NFE2L3: variants seen among roughly 807,000 people sequenced by gnomAD.
NFE2L3 encodes the protein nuclear factor erythroid 2-related factor 3.
NFE2L3 carries 18 observed loss-of-function variants against 23.5 expected under a neutral mutation model. That is an observed-to-expected ratio of 0.77 (90% confidence interval 0.53 to 1.13). The LOEUF (loss-of-function observed/expected upper bound fraction) is 1.13. Ranked by LOEUF, NFE2L3 falls within the 50% of genes most tolerant of loss-of-function variation. The pLI, the probability that NFE2L3 is intolerant of heterozygous loss-of-function variation, is 0.00. For missense variants in NFE2L3, 1,152 were observed against 877.2 expected, an observed-to-expected ratio of 1.31 and a Z score of -3.96; for synonymous variants, 424 against 354.5, an observed-to-expected ratio of 1.20 and a Z score of -2.20.
intron 1 of NFE2L3, among the ~76,000 whole-genome samples, chr7:26,172,554 T>A (rs1416597642): frequency 6.6e-6 from 1 of 152,234 alleles, no homozygotes; most frequent in Non-Finnish European, 1.5e-5. Context: ...TGTCAGTATG[T>A]ATTTGCCGAG....
intron 1 of NFE2L3, among the ~76,000 whole-genome samples, chr7:26,156,008 T>G (rs557452814): frequency 6.6e-6 from 1 of 152,272 alleles, no homozygotes; most frequent in African/African-American, 2.4e-5. Flanking sequence ...CTCACTGGAT[T>G]CCTTTTGGCT....
chr7:26,178,133 C>G lies in NFE2L3; in HGVS notation c.750+11C>G. On this transcript the variant is annotated intron_variant, in intron 2 of 3. Transcript: ENST00000056233. Reference sequence around the variant, plus strand: ...GAATCTAGAAATGAGGTAAGCCTGTCAGAATATTCAAGCCTTGCCGTTTTG... The same window carrying G: ...GAATCTAGAAATGAGGTAAGCCTGTGAGAATATTCAAGCCTTGCCGTTTTG... The G allele has an allele frequency of 6.2e-7, 1 of 1,605,506 alleles. No individual in the cohort carries two copies. The highest frequency in any genetic ancestry group is 8.5e-7 in the Non-Finnish European group (1 of 1,176,402).
At chr7:26,158,938 G>A (rs1784127126) in intron 1 of NFE2L3, among the ~76,000 whole-genome samples, 1 of 152,228 alleles carries the variant, frequency 6.6e-6, no homozygotes, top group Admixed American at 6.5e-5. Flanking sequence ...AGGATTGAAT[G>A]AGATAGTGCA....
chr7:26,160,595 T>C (rs2237334), intron 1 of NFE2L3, among the ~76,000 whole-genome samples: 9,581 of 152,312 alleles, frequency 0.063, 728 homozygotes, highest in East Asian at 0.36. Context: ...GGAGCTGCAA[T>C]GCTACAGGCT....
chr7:26,163,211 T>C (rs905583056), intron 1 of NFE2L3, among the ~76,000 whole-genome samples: 2 of 152,198 alleles, frequency 1.3e-5, no homozygotes, highest in African/African-American at 4.8e-5. Flanking sequence ...CCAAGCATTG[T>C]TCCTTTCTTA....
intron 2 of NFE2L3, among the ~76,000 whole-genome samples, chr7:26,178,997 A>G (rs953297734): frequency 6.6e-6 from 1 of 152,156 alleles, no homozygotes; most frequent in African/African-American, 2.4e-5. Flanking sequence ...GACAGCTGTC[A>G]TCATGGTAGC....
chr7:26,153,120 C>G (rs937839944), intron 1 of NFE2L3, 52 bp downstream of exon 1: 2 of 1,474,194 alleles, frequency 1.4e-6, no homozygotes, highest in Non-Finnish European at 9.0e-7. Context: ...CCGCCGGGAG[C>G]CCCCGAGGCT....
chr7:26,170,245 C>T (rs922911163), intron 1 of NFE2L3, among the ~76,000 whole-genome samples: 12 of 152,144 alleles, frequency 7.9e-5, no homozygotes, highest in Non-Finnish European at 1.2e-4. Context: ...TCTCCCTACC[C>T]GGCTAAAGAA....
Position 26,183,719 on chromosome 7 carries a change from G to T in NFE2L3, c.769G>T (p.Asp257Tyr), listed in dbSNP as rs150480522. ...SRNERHLNGTDTSFSLEDLFQ... is the reference protein window; with the variant it reads ...SRNERHLNGTYTSFSLEDLFQ... ...TCTACAGAGACATCTGAATGGGACA[G>T]ATACTTCTTTCTCTCTGGAAGACTT... is the stretch of plus-strand genomic sequence containing the variant. The change falls in exon 3 of 4, where the codon GAT (aspartate) becomes TAT (tyrosine). Residue 257 changes from aspartate to tyrosine, a missense_variant. Physicochemically the swap from Asp to Tyr is radical, Grantham distance 160 (BLOSUM62 -3). Coordinates refer to ENST00000056233, the MANE Select transcript of NFE2L3 (RefSeq NM_004289.7). The T allele has an allele frequency of 1.9e-6, 3 of 1,611,860 alleles. No homozygotes were observed. In the South Asian group the frequency reaches 3.3e-5, roughly 18 times the overall value.
At chr7:26,169,959 G>C (rs552658236) in intron 1 of NFE2L3, among the ~76,000 whole-genome samples, 1 of 152,230 alleles carries the variant, frequency 6.6e-6, no homozygotes, top group Non-Finnish European at 1.5e-5. Flanking sequence ...CTTCTTAAGA[G>C]CTATGCAGTC....
chr7:26,186,317 A>G lies in NFE2L3; in HGVS notation c.*534A>G, dbSNP rs549791171. 2.0e-5 allele frequency: 3 copies of G among 152,354 alleles called. No individual in the cohort carries two copies. Among genetic ancestry groups the G allele is most frequent in the Non-Finnish European group, 4.4e-5 (3 of 68,068 alleles). The allele number at this position is 152,354 out of a possible 1,614,324, so 9.4% of individuals were successfully genotyped here. A position where few individuals can be genotyped will look rare whatever the true frequency, so the allele number is the denominator to read the frequency against. On this transcript the variant is annotated 3_prime_UTR_variant, in exon 4 of 4. Coordinates refer to ENST00000056233, the MANE Select transcript of NFE2L3 (RefSeq NM_004289.7). ...AATTAACTTTTCCCTTTTATACAGA[A>G]TCTGAACCAAATTTACCTTACTTTC... is the stretch of plus-strand genomic sequence containing the variant.
At chr7:26,179,697 C>A (rs1188658957) in intron 2 of NFE2L3, among the ~76,000 whole-genome samples, 1 of 151,964 alleles carries the variant, frequency 6.6e-6, no homozygotes, top group Non-Finnish European at 1.5e-5. Flanking sequence ...CAGAGCAGGA[C>A]CCTGTCTCAA....
chr7:26,153,072 G>A lies in NFE2L3; in HGVS notation c.570+4G>A, dbSNP rs1784024502. The A allele has an allele frequency of 1.3e-6, 2 of 1,522,224 alleles. No homozygotes were observed. Among genetic ancestry groups the A allele is most frequent in the Non-Finnish European group, 1.8e-6 (2 of 1,139,328 alleles). 94.3% of individuals were successfully genotyped at this position (1,522,224 alleles called of 1,614,324 possible). On this transcript the variant is annotated splice_donor_region_variant and intron_variant, in intron 1 of 3. Coordinates refer to ENST00000056233, the MANE Select transcript of NFE2L3 (RefSeq NM_004289.7). ...CGCTGGCGGATGTGCGAGCGAGGTA[G>A]GTGCAGAGCGGGAAGCGAGCGAAGT...
intron 1 of NFE2L3, among the ~76,000 whole-genome samples, chr7:26,163,691 T>C (rs1000842371): frequency 1.3e-5 from 2 of 152,206 alleles, no homozygotes; most frequent in South Asian, 4.1e-4. Flanking sequence ...AGTTTTAGGG[T>C]ACATGTGCAC....
intron 3 of NFE2L3, chr7:26,184,292 C>A: frequency 2.2e-6 from 1 of 450,302 alleles, no homozygotes; most frequent in Non-Finnish European, 3.9e-6. Flanking sequence ...TAAGAAAATC[C>A]AGTCAGCTTT....
At chr7:26,179,526 AATGTAAT>A (rs1285716490) in intron 2 of NFE2L3, among the ~76,000 whole-genome samples, 1 of 149,596 alleles carries the variant, frequency 6.7e-6, no homozygotes, top group African/African-American at 2.5e-5. Context: ...AGTATAACCC[AATGTAAT>A]TTCCAAGAAC....
rs1782499933 is a variant in NFE2L3 at position 26,186,870 on chromosome 7, GAACAGTA to G, written c.*1093_*1099del. On this transcript the variant is annotated 3_prime_UTR_variant, in exon 4 of 4. Transcript: ENST00000056233. ...ATGAAAACCTCACTTAAGTTCACTA[GAACAGTA>G]AACAGGAGATTGCTGAATTTTTTGA... 1 of 152,162 alleles carries G rather than the reference GAACAGTA, an allele frequency of 6.6e-6. No homozygotes were observed. Among genetic ancestry groups the G allele is most frequent in the South Asian group, 2.1e-4 (1 of 4,830 alleles). 9.4% of individuals were successfully genotyped at this position (152,162 alleles called of 1,614,324 possible). A position where few individuals can be genotyped will look rare whatever the true frequency, so the allele number is the denominator to read the frequency against.
chr7:26,175,853 C>CTTTTTTTTT (rs70943276), intron 1 of NFE2L3, among the ~76,000 whole-genome samples: 5 of 111,644 alleles, frequency 4.5e-5, no homozygotes, highest in African/African-American at 1.0e-4. Context: ...ATTTTCTTTT[C>CTTTTTTTTT]TTTTTTTTTT....
chr7:26,185,983 C>CCCACAACTTTTCATGAACTTTT lies in NFE2L3; in HGVS notation c.*201_*202insCACAACTTTTCATGAACTTTTC, dbSNP rs1782476066. The CCCACAACTTTTCATGAACTTTT allele has an allele frequency of 4.2e-6, 2 of 481,690 alleles. No individual in the cohort carries two copies. Among genetic ancestry groups the CCCACAACTTTTCATGAACTTTT allele is most frequent in the South Asian group, 8.2e-5 (2 of 24,520 alleles). 29.8% of individuals were successfully genotyped at this position (481,690 alleles called of 1,614,324 possible). A position where few individuals can be genotyped will look rare whatever the true frequency, so the allele number is the denominator to read the frequency against. ...CACACTTGTGGGCAATCTGGGGGAG[C>CCCACAACTTTTCATGAACTTTT]CACAACTTTTCATGAAGTGCATTGT... On this transcript the variant is annotated 3_prime_UTR_variant, in exon 4 of 4. Coordinates refer to ENST00000056233, the MANE Select transcript of NFE2L3 (RefSeq NM_004289.7).
Sources: allele counts gnomAD v4.1 joint callset (sites outside exome capture counted in the v4.1 genomes callset), GRCh38; gene constraint gnomAD v4.1.1; transcripts MANE v1.5; gene names NCBI Gene and HGNC (gene_info 2026-07-23, HGNC 2026-07-21).